EPHB2: variants seen among roughly 807,000 people sequenced by gnomAD.
EPHB2 encodes the protein EPH receptor B2.
EPHB2 carries 18 observed loss-of-function variants against 96.4 expected under a neutral mutation model. The observed-to-expected ratio is 0.19, with a 90% CI of 0.13 to 0.28. The LOEUF (loss-of-function observed/expected upper bound fraction) is 0.28, where lower values mean the gene tolerates loss of function less well. EPHB2 is among the 10% of genes least tolerant of loss of function. The pLI, the probability that EPHB2 is intolerant of heterozygous loss-of-function variation, is 1.00. For missense variants in EPHB2, 989 were observed against 1,355.4 expected, an observed-to-expected ratio of 0.73 and a Z score of 4.25; for synonymous variants, 506 against 534.1, an observed-to-expected ratio of 0.95 and a Z score of 0.72.
chr1:22,865,929 C>T (rs763678665), intron 5 of EPHB2, among the ~76,000 whole-genome samples: 9 of 152,132 alleles, frequency 5.9e-5, no homozygotes, highest in Non-Finnish European at 1.3e-4. Context: ...CCTCCACCCC[C>T]CACCCTTCTT....
rs1236430911 is a variant in EPHB2 at position 22,860,867 on chromosome 1, G to T, written c.812-2170G>T. Among the ~76,000 whole-genome samples, 1 of 152,152 alleles carries T rather than the reference G, an allele frequency of 6.6e-6. No individual in the cohort carries two copies. The highest frequency in any genetic ancestry group is 1.5e-5 in the Non-Finnish European group (1 of 68,030). ...GCCCAGAAGCTCTGGGCAGTGCCAA[G>T]ATGGTGAGGCTGCCCCTTCATCCAG... is the stretch of plus-strand genomic sequence containing the variant. On this transcript the variant is annotated intron_variant, in intron 3 of 15. Transcript: ENST00000374630. This position sits in a 1 kb window ranked among gnomAD's most constrained non-coding sequence, Gnocchi z 4.6.
At chr1:22,910,360 C>G in intron 13 of EPHB2, 22 bp from the exon 14 acceptor site, 1 of 1,614,178 alleles carries the variant, frequency 6.2e-7, no homozygotes. Context: ...CCCAACCCCA[C>G]TGCACTCCTG....
intron 3 of EPHB2, among the ~76,000 whole-genome samples, chr1:22,845,314 A>T (rs1299239330): frequency 6.6e-6 from 1 of 152,250 alleles, no homozygotes; most frequent in East Asian, 1.9e-4. Flanking sequence ...CACGGTAAGC[A>T]CTAAGTGTGA....
At position 22,711,592 on chromosome 1, in the gene EPHB2, C is replaced by G. The variant is rs188624936; in HGVS notation, c.61+549C>G. On this transcript the variant is annotated intron_variant, in intron 1 of 15. Coordinates refer to ENST00000374630, the MANE Select transcript of EPHB2 (RefSeq NM_017449.5). ...GCAGAGTGGAAGGGAGCGCGCCAGC[C>G]CCCGCGTCGGTGCCTGCCCATCGCC... 3.7e-3 allele frequency among the ~76,000 whole-genome samples: 558 copies of G among 152,006 alleles called. 15 individuals carry two copies. In the East Asian group the frequency reaches 0.064, roughly 18 times the overall value.
rs1262333651 is a variant in EPHB2, at chr1:22,790,530, A to T, written c.811+5454A>T. Among the ~76,000 whole-genome samples, 3 of 152,034 alleles carry T rather than the reference A, an allele frequency of 2.0e-5. No homozygotes were observed. Among genetic ancestry groups the T allele is most frequent in the African/African-American group, 7.2e-5 (3 of 41,396 alleles). ...CTCTTTCTAGAGTATGATAGGTGTG[A>T]TTGTGAATGTTCCCCTGCCCCAGTT... On this transcript the variant is annotated intron_variant, in intron 3 of 15. Coordinates refer to ENST00000374630, the MANE Select transcript of EPHB2 (RefSeq NM_017449.5). The surrounding 1 kb of genome is among the most constrained non-coding windows in gnomAD (Gnocchi z 4.0).
chr1:22,808,759 A>G (rs1218202351), intron 3 of EPHB2, among the ~76,000 whole-genome samples: 2 of 152,316 alleles, frequency 1.3e-5, no homozygotes, highest in Admixed American at 6.5e-5. Flanking sequence ...TCATTTTACA[A>G]CGAGAAAAGC....
chr1:22,913,923 T>G lies in EPHB2; in HGVS notation c.*353T>G. ...TGTCCAATCGGAGACAAAAGCAGTT[T>G]CTCTCCAACTCCCTCTGGGAAGGTG... is the stretch of plus-strand genomic sequence containing the variant. On this transcript the variant is annotated 3_prime_UTR_variant, in exon 16 of 16. Transcript: ENST00000374630. The surrounding 1 kb of genome is among the most constrained non-coding windows in gnomAD (Gnocchi z 4.1). 6.7e-7 allele frequency: 1 copy of G among 1,499,708 alleles called. No homozygotes were observed. Among genetic ancestry groups the G allele is most frequent in the South Asian group, 1.4e-5 (1 of 71,786 alleles). 92.9% of individuals were successfully genotyped at this position (1,499,708 alleles called of 1,614,324 possible).
chr1:22,737,401 A>C (rs1643855309), intron 1 of EPHB2, among the ~76,000 whole-genome samples: 1 of 152,146 alleles, frequency 6.6e-6, no homozygotes, highest in Admixed American at 6.5e-5. Flanking sequence ...TGTCCTTGTC[A>C]TCCCACAAAC....
At chr1:22,751,614 G>C (rs966157055) in intron 1 of EPHB2, among the ~76,000 whole-genome samples, 5 of 152,264 alleles carry the variant, frequency 3.3e-5, no homozygotes, top group Admixed American at 6.5e-5. Flanking sequence ...TGAGAGATGC[G>C]AGCTGACCCT....
At chr1:22,713,481 C>T (rs1319471674) in intron 1 of EPHB2, among the ~76,000 whole-genome samples, 1 of 152,200 alleles carries the variant, frequency 6.6e-6, no homozygotes, top group African/African-American at 2.4e-5. Flanking sequence ...GCCTGTCCTG[C>T]CTGTCTCCTG....
chr1:22,908,872 C>T (rs1009932297), intron 12 of EPHB2, 150 bp from the exon 13 acceptor site: 18 of 1,251,870 alleles, frequency 1.4e-5, no homozygotes, highest in South Asian at 5.3e-5. Flanking sequence ...GGCGCAAATG[C>T]CCAGTGGTCT....
intron 3 of EPHB2, among the ~76,000 whole-genome samples, chr1:22,834,625 C>CAA (rs202032340): frequency 1.4e-5 from 2 of 146,170 alleles, no homozygotes; most frequent in African/African-American, 5.0e-5. Flanking sequence ...ACTTTATTTT[C>CAA]AAAAAAAAAA....
chr1:22,783,099 C>CCA (rs1295849951), intron 2 of EPHB2, among the ~76,000 whole-genome samples: 3 of 152,298 alleles, frequency 2.0e-5, no homozygotes, highest in Admixed American at 6.5e-5. Flanking sequence ...GGACTAGAAC[C>CCA]CAGGACTCCT....
At chr1:22,727,500 C>T (rs2148347262) in intron 1 of EPHB2, among the ~76,000 whole-genome samples, 1 of 152,316 alleles carries the variant, frequency 6.6e-6, no homozygotes, top group East Asian at 1.9e-4. Flanking sequence ...TCAGCTCTTC[C>T]ATCGAGCCTG....
chr1:22,831,354 C>A (rs34957055), intron 3 of EPHB2, among the ~76,000 whole-genome samples: 40,788 of 151,952 alleles, frequency 0.27, 6,326 homozygotes, highest in Middle Eastern at 0.42. Context: ...CTTGCTACCT[C>A]CCCCCTTAGC....
At chr1:22,851,874 C>A (rs1395885589) in intron 3 of EPHB2, among the ~76,000 whole-genome samples, 2 of 152,352 alleles carry the variant, frequency 1.3e-5, no homozygotes, top group African/African-American at 4.8e-5. Context: ...CTGTGTTCTT[C>A]AGCAGGTCTC....
intron 1 of EPHB2, among the ~76,000 whole-genome samples, chr1:22,777,651 A>T (rs1283004268): frequency 6.6e-6 from 1 of 152,218 alleles, no homozygotes; most frequent in Non-Finnish European, 1.5e-5. Context: ...GCAGCATCAG[A>T]TGGACTGGGA....
intron 3 of EPHB2, among the ~76,000 whole-genome samples, chr1:22,791,448 TTTC>T (rs869145594): frequency 0.042 from 5,973 of 140,894 alleles, 315 homozygotes; most frequent in African/African-American, 0.11. Flanking sequence ...CATGGGTTTC[TTTC>T]TTTCTTTCTT....
chr1:22,724,067 T>C (rs540403487), intron 1 of EPHB2, among the ~76,000 whole-genome samples: 5 of 152,226 alleles, frequency 3.3e-5, no homozygotes, highest in Non-Finnish European at 7.3e-5. Context: ...CCAAGATAAA[T>C]GGAGAAAGAG....
Sources: gnomAD v4.1 joint callset for allele counts (sites outside exome capture counted in the v4.1 genomes callset) on GRCh38, gnomAD v4.1.1 for gene constraint, Gnocchi (gnomAD v3.1) non-coding constraint, MANE v1.5 for transcripts, NCBI Gene and HGNC (gene_info 2026-07-23, HGNC 2026-07-21) for gene names.